PITPNA: variants seen among roughly 807,000 people sequenced by gnomAD.
The protein encoded by PITPNA is phosphatidylinositol transfer protein alpha.
Under a neutral mutation model 50.3 loss-of-function variants are expected in PITPNA, and 13 were observed. The observed-to-expected ratio is 0.26, with a 90% confidence interval of 0.17 to 0.41. The LOEUF (loss-of-function observed/expected upper bound fraction) is 0.41. Among genes scored for constraint, PITPNA ranks in the 10% least tolerant of loss-of-function variants. The pLI is 1.00. For missense variants in PITPNA, 207 were observed against 333.4 expected (o/e 0.62, Z 2.95); for synonymous variants, 120 against 119.6 (o/e 1.00, Z -0.02).
intron 10 of PITPNA, among the ~76,000 whole-genome samples, chr17:1,524,324 G>A (rs890198464): frequency 8.1e-5 from 12 of 148,760 alleles, no homozygotes; most frequent in Admixed American, 4.0e-4. Flanking sequence ...GATTACAGGC[G>A]TGAGCCATCG....
At chr17:1,530,307 C>T (rs2075573575) in intron 10 of PITPNA, among the ~76,000 whole-genome samples, 1 of 152,068 alleles carries the variant, frequency 6.6e-6, no homozygotes, top group Admixed American at 6.5e-5. Context: ...AGATTATGGG[C>T]CTCTTAAGAG....
rs1353070743 is a variant in PITPNA at position 1,518,820 on chromosome 17, C to CT, written c.*1740dup. The CT allele has an allele frequency of 1.3e-5, 2 of 152,356 alleles. No individual in the cohort carries two copies. The highest frequency in any genetic ancestry group is 3.8e-4 in the East Asian group (2 of 5,196). The allele number at this position is 152,356 out of a possible 1,614,324, so 9.4% of individuals were successfully genotyped here. A position where few individuals can be genotyped will look rare whatever the true frequency, so the allele number is the denominator to read the frequency against. On this transcript the variant is annotated 3_prime_UTR_variant, in exon 12 of 12. Transcript: ENST00000313486. Reference sequence around the variant, plus strand: ...CTAACACAGAGCTTATAGGAAAACACTGACATTTTTCTCCAGTAGGAATGC... The same window carrying CT: ...CTAACACAGAGCTTATAGGAAAACACTTGACATTTTTCTCCAGTAGGAATGC...
chr17:1,536,586 G>A (rs1319321451), intron 7 of PITPNA, among the ~76,000 whole-genome samples: 2 of 151,018 alleles, frequency 1.3e-5, no homozygotes, highest in Admixed American at 1.3e-4. Context: ...ACCGCGCCCT[G>A]CCTTATTTTT....
chr17:1,538,889 G>T lies in PITPNA; in HGVS notation c.436C>A (p.Arg146=). 7 of 1,613,156 alleles carry T rather than the reference G, an allele frequency of 4.3e-6. No homozygotes were observed. Among genetic ancestry groups the T allele is most frequent in the Non-Finnish European group, 5.9e-6 (7 of 1,179,186 alleles). ...CCTACCTTGCTGAGCACTTGGCTTC[G>T]ATCTGCAATGTCTATATATACGGCT... ...VEAVYIDIAD[R]SQVLSKDYKA... Residue 146 remains arginine (R), a synonymous_variant, in exon 7 of 12, where the codon CGA becomes AGA. Transcript: ENST00000313486.
At chr17:1,535,337 G>A (rs2075609460) in intron 8 of PITPNA, 45 bp from the exon 9 acceptor site, 1 of 1,528,634 alleles carries the variant, frequency 6.5e-7, no homozygotes, top group South Asian at 1.1e-5. Flanking sequence ...ACAACGGGCA[G>A]ACCTCAGGCC....
chr17:1,520,714 G>A (rs1202038434), intron 11 of PITPNA, among the ~76,000 whole-genome samples, 176 bp from the exon 12 acceptor site: 6 of 151,698 alleles, frequency 4.0e-5, no homozygotes, highest in African/African-American at 9.6e-5. Flanking sequence ...ACAGCAGTCC[G>A]CCTCATTCCA....
chr17:1,552,562 C>T (rs576146383), intron 3 of PITPNA, among the ~76,000 whole-genome samples: 1 of 152,174 alleles, frequency 6.6e-6, no homozygotes, highest in African/African-American at 2.4e-5. Flanking sequence ...ACCCTACCAG[C>T]CCAGCAATTC....
In PITPNA at chr17:1,521,575, G is replaced by A. The variant is rs1414647704; in HGVS notation, c.*22+4C>T. ...ACACGCACAGTGAGAAATTTGGTAC[G>A]TACAGTGCAGAGGGGAAAGGCGGCT... On this transcript the variant is annotated splice_donor_region_variant and intron_variant, in intron 11 of 11. Transcript: ENST00000313486. 1.0e-5 allele frequency: 16 copies of A among 1,601,530 alleles called. No homozygotes were observed. The highest frequency in any genetic ancestry group is 1.7e-4 in the Middle Eastern group (1 of 6,052).
intron 11 of PITPNA, among the ~76,000 whole-genome samples, 186 bp from the exon 12 acceptor site, chr17:1,520,724 A>C (rs182974354): frequency 6.6e-6 from 1 of 152,142 alleles, no homozygotes; most frequent in Admixed American, 6.5e-5. Context: ...GCCTCATTCC[A>C]CCCTCCAGCC....
At chr17:1,558,101 C>T (rs911469172) in intron 2 of PITPNA, among the ~76,000 whole-genome samples, 23 of 152,140 alleles carry the variant, frequency 1.5e-4, no homozygotes, top group African/African-American at 3.6e-4. Context: ...TGTGGTGGCA[C>T]ACACCTGTAA....
At chr17:1,545,030 T>C (rs890454816) in intron 4 of PITPNA, among the ~76,000 whole-genome samples, 10 of 151,028 alleles carry the variant, frequency 6.6e-5, no homozygotes, top group African/African-American at 2.2e-4. Context: ...AATAAAAGCA[T>C]GGCTTAGTGA....
In PITPNA at chr17:1,562,485, G is replaced by A. The variant is rs1177401264; in HGVS notation, c.20+56C>T. ...GCGTCCCTCGCCGCGCCGTCGCCCC[G>A]GCGGCCGTCCCCACCCTCCCTCCTC... On this transcript the variant is annotated intron_variant, in intron 1 of 11. Coordinates refer to ENST00000313486, the MANE Select transcript of PITPNA (RefSeq NM_006224.4). The surrounding 1 kb of genome is among the most constrained non-coding windows in gnomAD (Gnocchi z 6.4). The A allele has an allele frequency of 3.0e-6, 4 of 1,352,606 alleles. No homozygotes were observed. The African/African-American group carries it at 4.6e-5, about 15-fold the overall frequency. The allele number at this position is 1,352,606 out of a possible 1,614,324, so 83.8% of individuals were successfully genotyped here.
chr17:1,537,840 G>A (rs1033426550), intron 7 of PITPNA, among the ~76,000 whole-genome samples: 3 of 151,936 alleles, frequency 2.0e-5, no homozygotes, highest in Admixed American at 6.6e-5. Flanking sequence ...TCGCTGTGTC[G>A]CCCAGGCTGG....
At chr17:1,526,256 T>G (rs748542644) in intron 10 of PITPNA, among the ~76,000 whole-genome samples, 1 of 152,176 alleles carries the variant, frequency 6.6e-6, no homozygotes, top group Non-Finnish European at 1.5e-5. Flanking sequence ...TTGAAAGACA[T>G]TCTACAAAAT....
chr17:1,552,957 C>T (rs927290091), intron 3 of PITPNA, 47 bp downstream of exon 3: 5 of 1,599,564 alleles, frequency 3.1e-6, no homozygotes, highest in Non-Finnish European at 4.3e-6. Context: ...CACTCATTCA[C>T]ACACACACAA....
At position 1,536,722 on chromosome 17, in the gene PITPNA, T is replaced by G. The variant is rs550182960; in HGVS notation, c.457-1204A>C. Among the ~76,000 whole-genome samples the G allele has an allele frequency of 3.2e-4, 49 of 151,516 alleles. 1 individual carries two copies. The highest frequency in any genetic ancestry group is 6.9e-4 in the Non-Finnish European group (47 of 67,908). On this transcript the variant is annotated intron_variant, in intron 7 of 11. Transcript: ENST00000313486. ...GATTCTCCTGCCTCAGCCTCCTGAG[T>G]AGCTGGCATTACAGGCGCCTGCGAC...
At chr17:1,534,013 G>A in intron 10 of PITPNA, 86 bp downstream of exon 10, 3 of 1,486,996 alleles carry the variant, frequency 2.0e-6, no homozygotes, top group South Asian at 1.1e-5. Flanking sequence ...CTACAGGATG[G>A]TGCTCTCGGT....
At chr17:1,538,122 T>C (rs2075628757) in intron 7 of PITPNA, among the ~76,000 whole-genome samples, 2 of 152,038 alleles carry the variant, frequency 1.3e-5, no homozygotes, top group African/African-American at 4.8e-5. Flanking sequence ...AAGTGCAGAG[T>C]GACCACAGGA....
At chr17:1,528,317 T>G (rs991383441) in intron 10 of PITPNA, among the ~76,000 whole-genome samples, 1 of 152,242 alleles carries the variant, frequency 6.6e-6, no homozygotes, top group African/African-American at 2.4e-5. Flanking sequence ...ATTTTTGTAT[T>G]TTTAGTAGAG....
Sources: allele counts gnomAD v4.1 joint callset (sites outside exome capture counted in the v4.1 genomes callset), GRCh38; gene constraint gnomAD v4.1.1; non-coding constraint Gnocchi (gnomAD v3.1); transcripts MANE v1.5; gene names NCBI Gene and HGNC (gene_info 2026-07-23, HGNC 2026-07-21).